The following PDZD8 variants were observed in gnomAD, a reference collection of about 807,000 sequenced individuals.
PDZD8 encodes the protein PDZ domain-containing protein 8.
Under a neutral mutation model 85.8 loss-of-function variants are expected in PDZD8, and 14 were observed. That is an observed-to-expected ratio of 0.16 (90% CI 0.11 to 0.26). The LOEUF is 0.26. PDZD8 is among the 10% of genes least tolerant of loss of function. The pLI is 1.00. For synonymous variants in PDZD8, 592 were observed against 568.6 expected (o/e 1.04, Z -0.59); for missense variants, 1,197 against 1,424.3 (o/e 0.84, Z 2.57).
chr10:117,300,073 G>A (rs2133778889), intron 3 of PDZD8, among the ~76,000 whole-genome samples: 1 of 151,906 alleles, frequency 6.6e-6, no homozygotes, highest in African/African-American at 2.4e-5. Context: ...CCCCCCCCAT[G>A]TCAAATCAAC....
chr10:117,336,955 G>C (rs1398945937), intron 2 of PDZD8, among the ~76,000 whole-genome samples: 1 of 152,004 alleles, frequency 6.6e-6, no homozygotes, highest in African/African-American at 2.4e-5. Flanking sequence ...TGGGCATGGT[G>C]GTGGGCGCCT....
intron 2 of PDZD8, among the ~76,000 whole-genome samples, chr10:117,328,546 G>C (rs1844357681): frequency 6.6e-6 from 1 of 152,056 alleles, no homozygotes; most frequent in Admixed American, 6.6e-5. Flanking sequence ...GGAATAACTG[G>C]GACTACAGGC....
Position 117,283,889 on chromosome 10 carries a change from C to T in PDZD8, c.2844G>A (p.Leu948=), listed in dbSNP as rs1382435406. 4 of 1,614,020 alleles carry T rather than the reference C, an allele frequency of 2.5e-6. No homozygotes were observed. The African/African-American group carries it at 5.3e-5, about 22-fold the overall frequency. ...IINTSSRLLN[L]RQVSKTRLSE... ...AAAGGCGAGTTTTAGAGACTTGACGCAAATTTAATAAACGAGAACTAGTAT... is the reference window on the plus strand; with the variant it reads ...AAAGGCGAGTTTTAGAGACTTGACGTAAATTTAATAAACGAGAACTAGTAT... The change falls in exon 5 of 5, where the codon TTG becomes TTA. Residue 948 remains leucine, a synonymous_variant. Transcript: ENST00000334464.
intron 3 of PDZD8, among the ~76,000 whole-genome samples, chr10:117,291,282 A>G (rs1217303009): frequency 6.6e-6 from 1 of 151,976 alleles, no homozygotes; most frequent in East Asian, 2.0e-4. Context: ...CTGTAATCCC[A>G]GCACTTGGGA....
In PDZD8 at chr10:117,375,260, C is replaced by T. The variant is rs748307889; in HGVS notation, c.-33G>A. The T allele has an allele frequency of 1.3e-5, 19 of 1,429,384 alleles. No homozygotes were observed. In the African/African-American group the frequency reaches 2.8e-4, roughly 21 times the overall value. 88.5% of individuals were successfully genotyped at this position (1,429,384 alleles called of 1,614,324 possible). On this transcript the variant is annotated 5_prime_UTR_variant, in exon 1 of 5. Coordinates refer to ENST00000334464, the MANE Select transcript of PDZD8 (RefSeq NM_173791.5). The stretch of plus-strand genomic sequence containing the variant: ...CCGCCTCCGCCCGGGCCCCTACTCC[C>T]GCGCCCACAGCGCCGCTTTCTTCAC...
At chr10:117,326,426 C>T (rs1404103983) in intron 2 of PDZD8, among the ~76,000 whole-genome samples, 3 of 152,196 alleles carry the variant, frequency 2.0e-5, no homozygotes, top group Non-Finnish European at 4.4e-5. Context: ...TAGCTTTTCC[C>T]AAGACTTTGG....
intron 1 of PDZD8, among the ~76,000 whole-genome samples, chr10:117,364,211 AGTGT>A (rs1364760339): frequency 2.7e-5 from 4 of 147,976 alleles, no homozygotes; most frequent in African/African-American, 1.0e-4. Context: ...TGTGTGTGAG[AGTGT>A]GTGTGTGTCT....
intron 1 of PDZD8, among the ~76,000 whole-genome samples, chr10:117,350,501 T>A (rs1296731816): frequency 2.0e-5 from 3 of 151,254 alleles, no homozygotes; most frequent in Admixed American, 6.6e-5. Context: ...CCTGACCTCA[T>A]GATCCACCTG....
chr10:117,283,443 C>A lies in PDZD8; in HGVS notation c.3290G>T (p.Gly1097Val). ...TTCTAAAGTTTCTATATCTTCAATG[C>A]CTGCTCTGTAGTGAATCATAAGAAG... Reference protein sequence around the residue: ...LTLLMIHYRAGIEDIETLESL... With the variant: ...LTLLMIHYRAVIEDIETLESL... Residue 1097 changes from glycine to valine, a missense_variant, in exon 5 of 5, where the codon GGC (glycine) becomes GTC (valine). Coordinates refer to ENST00000334464, the MANE Select transcript of PDZD8 (RefSeq NM_173791.5). 6.2e-7 allele frequency: 1 copy of A among 1,614,004 alleles called. No homozygotes were observed. Among genetic ancestry groups the A allele is most frequent in the Non-Finnish European group, 8.5e-7 (1 of 1,179,908 alleles).
chr10:117,363,608 C>A (rs1316658982), intron 1 of PDZD8, among the ~76,000 whole-genome samples: 1 of 152,102 alleles, frequency 6.6e-6, no homozygotes, highest in East Asian at 1.9e-4. Flanking sequence ...CCCAAGTATA[C>A]ATAATAGATA....
chr10:117,371,486 A>G (rs1318780663), intron 1 of PDZD8, among the ~76,000 whole-genome samples: 1 of 152,196 alleles, frequency 6.6e-6, no homozygotes, highest in Non-Finnish European at 1.5e-5. Flanking sequence ...CACCTGGCCC[A>G]TCACCAGTTT....
At chr10:117,339,165 T>G (rs896154936) in intron 2 of PDZD8, among the ~76,000 whole-genome samples, 2 of 149,408 alleles carry the variant, frequency 1.3e-5, no homozygotes, top group African/African-American at 4.9e-5. Context: ...ATTAAGTATA[T>G]TATTAGTATA....
chr10:117,372,365 A>T (rs1158209157), intron 1 of PDZD8, among the ~76,000 whole-genome samples: 1 of 152,028 alleles, frequency 6.6e-6, no homozygotes, highest in Non-Finnish European at 1.5e-5. Flanking sequence ...TCCATAACTT[A>T]TTCATAACTT....
Position 117,281,022 on chromosome 10 carries a change from T to A in PDZD8, c.*2246A>T, listed in dbSNP as rs566786945. Reference sequence around the variant, plus strand: ...AAGTGTAAGTTATGGAACAATACTTTAGCTTTCAGGGAATTTGGTGTGTAA... The same window carrying A: ...AAGTGTAAGTTATGGAACAATACTTAAGCTTTCAGGGAATTTGGTGTGTAA... On this transcript the variant is annotated 3_prime_UTR_variant, in exon 5 of 5. Coordinates refer to ENST00000334464, the MANE Select transcript of PDZD8 (RefSeq NM_173791.5). 6.6e-6 allele frequency: 1 copy of A among 152,182 alleles called. No homozygotes were observed. Among genetic ancestry groups the A allele is most frequent in the Non-Finnish European group, 1.5e-5 (1 of 68,022 alleles). The allele number at this position is 152,182 out of a possible 1,614,324, so 9.4% of individuals were successfully genotyped here.
At chr10:117,312,923 G>T (rs952145014) in intron 3 of PDZD8, among the ~76,000 whole-genome samples, 4 of 152,106 alleles carry the variant, frequency 2.6e-5, no homozygotes, top group African/African-American at 9.7e-5. Context: ...TTTAAAATAA[G>T]GGTATAAAAA....
chr10:117,326,305 T>TA (rs1438261836), intron 2 of PDZD8, among the ~76,000 whole-genome samples: 1 of 152,152 alleles, frequency 6.6e-6, no homozygotes, highest in Non-Finnish European at 1.5e-5. Context: ...AAGAGACAAG[T>TA]TTCATGCCTA....
chr10:117,315,687 GA>G (rs1422953182), intron 3 of PDZD8, among the ~76,000 whole-genome samples: 1 of 151,936 alleles, frequency 6.6e-6, no homozygotes, highest in East Asian at 1.9e-4. Flanking sequence ...CCAATTCTGG[GA>G]GGGTAAAACT....
At chr10:117,360,322 T>C (rs556998973) in intron 1 of PDZD8, among the ~76,000 whole-genome samples, 3 of 152,132 alleles carry the variant, frequency 2.0e-5, no homozygotes, top group African/African-American at 7.2e-5. Flanking sequence ...TCTTCTTATG[T>C]TCATCACAAC....
intron 3 of PDZD8, among the ~76,000 whole-genome samples, chr10:117,312,827 C>G (rs149134647): frequency 2.6e-5 from 4 of 151,956 alleles, no homozygotes; most frequent in African/African-American, 9.7e-5. Context: ...ATTATTTGTC[C>G]TCGCCCTATC....
Sources: gnomAD v4.1 joint callset for allele counts (sites outside exome capture counted in the v4.1 genomes callset) on GRCh38, gnomAD v4.1.1 for gene constraint, MANE v1.5 for transcripts, NCBI Gene and HGNC (gene_info 2026-07-23, HGNC 2026-07-21) for gene names.